Variants in TRPC4 observed in about 807,000 individuals in gnomAD.
TRPC4 encodes the protein short transient receptor potential channel 4.
In TRPC4, 49 loss-of-function variants were observed where a neutral mutation model predicts 99.4. That is an observed-to-expected ratio of 0.49 (90% confidence interval 0.39 to 0.63). The LOEUF (loss-of-function observed/expected upper bound fraction) is 0.63. TRPC4 is among the 20% of genes least tolerant of loss of function. TRPC4 has a pLI of 0.00. For missense variants in TRPC4, 898 were observed against 1,152.9 expected, an observed-to-expected ratio of 0.78 and a Z score of 3.20; for synonymous variants, 454 against 425.9, an observed-to-expected ratio of 1.07 and a Z score of -0.81.
In TRPC4 at chr13:37,633,186, GT is replaced by G. The variant is rs1413648962; in HGVS notation, c.*3716del. ...CAGACATTGTAAAATCAGAATAATG[GT>G]TTTGAAGTTAAGAGGAATGCCAGTA... On this transcript the variant is annotated 3_prime_UTR_variant, in exon 11 of 11. Coordinates refer to ENST00000379705, the MANE Select transcript of TRPC4 (RefSeq NM_016179.4). 6.6e-6 allele frequency among the ~76,000 whole-genome samples: 1 copy of G among 152,114 alleles called. No individual in the cohort carries two copies. The highest frequency in any genetic ancestry group is 2.4e-5 in the African/African-American group (1 of 41,430).
intron 4 of TRPC4, among the ~76,000 whole-genome samples, chr13:37,682,922 C>T (rs1017091766): frequency 1.4e-4 from 15 of 109,336 alleles, no homozygotes; most frequent in African/African-American, 4.8e-4. Flanking sequence ...GCCCAGCTAT[C>T]TTTTTTTTTT....
At position 37,783,347 on chromosome 13, in the gene TRPC4, C is replaced by A; in HGVS notation, c.-14G>T. 1.3e-6 allele frequency: 2 copies of A among 1,526,308 alleles called. No homozygotes were observed. Among genetic ancestry groups the A allele is most frequent in the South Asian group, 1.3e-5 (1 of 75,988 alleles). 94.5% of individuals were successfully genotyped at this position (1,526,308 alleles called of 1,614,324 possible). A position where few individuals can be genotyped will look rare whatever the true frequency, so the allele number is the denominator to read the frequency against. ...GAACTGAGCCATGTTTCATGCCATG[C>A]TATTTCTTCGTCTCTGAAAGTAGAA... On this transcript the variant is annotated 5_prime_UTR_variant, in exon 2 of 11. An upstream open reading frame in the 5' UTR loses its in-frame stop. Coordinates refer to ENST00000379705, the MANE Select transcript of TRPC4 (RefSeq NM_016179.4).
In TRPC4 at chr13:37,835,172, G is replaced by T. The variant is rs116549427; in HGVS notation, c.-28+34423C>A. Among the ~76,000 whole-genome samples the T allele has an allele frequency of 9.1e-3, 1,387 of 152,202 alleles. 19 individuals are homozygous for T. The highest frequency in any genetic ancestry group is 0.032 in the African/African-American group (1,324 of 41,502). On this transcript the variant is annotated intron_variant, in intron 1 of 10. Transcript: ENST00000379705. ...TTCTAGCAACAATTATCCTTTCAAA[G>T]TTGGTAGTCAGTTTTACTTGCTTCA...
intron 1 of TRPC4, among the ~76,000 whole-genome samples, chr13:37,799,270 A>G (rs540113329): frequency 2.6e-5 from 4 of 152,232 alleles, no homozygotes; most frequent in South Asian, 2.1e-4. Flanking sequence ...CACCTGGTCA[A>G]TGCTGTGCCC....
intron 3 of TRPC4, among the ~76,000 whole-genome samples, chr13:37,737,938 C>T (rs1955450933): frequency 1.3e-5 from 2 of 152,112 alleles, no homozygotes; most frequent in African/African-American, 4.8e-5. Flanking sequence ...GAAAGGTTTT[C>T]TTTCTCTATG....
At chr13:37,854,405 C>T (rs1850829433) in intron 1 of TRPC4, among the ~76,000 whole-genome samples, 1 of 151,972 alleles carries the variant, frequency 6.6e-6, no homozygotes, top group African/African-American at 2.4e-5. Context: ...CAATACCAGA[C>T]CTGTTCTACA....
chr13:37,775,426 T>G (rs1198888348), intron 2 of TRPC4, among the ~76,000 whole-genome samples: 1 of 151,236 alleles, frequency 6.6e-6, no homozygotes, highest in Admixed American at 6.6e-5. Flanking sequence ...AATTTCCAAC[T>G]TTTAAGTTAA....
chr13:37,637,174 G>T lies in TRPC4; in HGVS notation c.2663C>A (p.Ser888Tyr). The T allele has an allele frequency of 6.2e-7, 1 of 1,613,850 alleles. No homozygotes were observed. Among genetic ancestry groups the T allele is most frequent in the African/African-American group, 1.3e-5 (1 of 75,024 alleles). ...GTCACCCCGTGAAGCTAATCCTCGA[G>T]ATTCCAGTTGAATATTTCTCTCAAG... ...GPLERNIQLE[S>Y]RGLASRGDLS... Residue 888 changes from serine to tyrosine, a missense_variant, in exon 11 of 11, where the codon TCT becomes TAT. Coordinates refer to ENST00000379705, the MANE Select transcript of TRPC4 (RefSeq NM_016179.4).
chr13:37,758,415 A>G (rs1397860319), intron 2 of TRPC4, among the ~76,000 whole-genome samples: 22 of 151,808 alleles, frequency 1.4e-4, no homozygotes, highest in African/African-American at 5.1e-4. Flanking sequence ...CCTAGAAATG[A>G]TAAGGATTAT....
chr13:37,730,489 A>G (rs954949947), intron 3 of TRPC4, among the ~76,000 whole-genome samples: 7 of 151,990 alleles, frequency 4.6e-5, no homozygotes, highest in African/African-American at 1.4e-4. Context: ...TAAATTTCCT[A>G]TAACTCCAGA....
At chr13:37,809,778 C>T (rs1313563084) in intron 1 of TRPC4, among the ~76,000 whole-genome samples, 1 of 152,006 alleles carries the variant, frequency 6.6e-6, no homozygotes, top group Non-Finnish European at 1.5e-5. Context: ...CACTATGAAT[C>T]TGGAATGAAA....
intron 3 of TRPC4, among the ~76,000 whole-genome samples, chr13:37,726,557 A>G (rs914678131): frequency 6.6e-6 from 1 of 152,208 alleles, no homozygotes; most frequent in East Asian, 1.9e-4. Context: ...ATAGTAATGC[A>G]GGAAGTAAAC....
In TRPC4 at chr13:37,636,866, T is replaced by C. The variant is rs1299959698; in HGVS notation, c.*37A>G. On this transcript the variant is annotated 3_prime_UTR_variant, in exon 11 of 11. Transcript: ENST00000379705. ...CCCCCACCCAGAGCACTACGGAAAATACGTATGTGTATGGTAAACGCTTCC... is the reference window on the plus strand; with the variant it reads ...CCCCCACCCAGAGCACTACGGAAAACACGTATGTGTATGGTAAACGCTTCC... 3.8e-6 allele frequency: 6 copies of C among 1,572,844 alleles called. No homozygotes were observed. The highest frequency in any genetic ancestry group is 4.3e-6 in the Non-Finnish European group (5 of 1,160,394).
chr13:37,680,573 T>G (rs1009216082), intron 4 of TRPC4, among the ~76,000 whole-genome samples: 1 of 152,180 alleles, frequency 6.6e-6, no homozygotes, highest in Non-Finnish European at 1.5e-5. Flanking sequence ...CCATGAGAGA[T>G]GAAAAACTGC....
At chr13:37,848,617 C>T (rs1239490634) in intron 1 of TRPC4, among the ~76,000 whole-genome samples, 3 of 152,096 alleles carry the variant, frequency 2.0e-5, no homozygotes, top group African/African-American at 4.8e-5. Context: ...CAATATGACA[C>T]ACACACACCC....
intron 3 of TRPC4, among the ~76,000 whole-genome samples, chr13:37,725,064 T>C (rs1416229826): frequency 2.0e-5 from 3 of 151,990 alleles, no homozygotes; most frequent in Non-Finnish European, 4.4e-5. Flanking sequence ...AAAGAATTTT[T>C]TAAAAAAAGA....
intron 1 of TRPC4, among the ~76,000 whole-genome samples, chr13:37,852,611 C>T (rs146506049): frequency 2.0e-5 from 3 of 152,286 alleles, no homozygotes; most frequent in African/African-American, 7.2e-5. Flanking sequence ...AATTTTCTTG[C>T]ACCTTAGGTA....
chr13:37,652,038 C>A (rs1448698151), intron 7 of TRPC4, among the ~76,000 whole-genome samples: 2 of 152,354 alleles, frequency 1.3e-5, no homozygotes, highest in Middle Eastern at 3.4e-3. Context: ...CTTGACCTAA[C>A]TTTGTACAGA....
chr13:37,723,406 G>T (rs567473401), intron 3 of TRPC4, among the ~76,000 whole-genome samples: 6 of 152,064 alleles, frequency 3.9e-5, no homozygotes, highest in African/African-American at 1.4e-4. Context: ...AATGGCTAAT[G>T]AAAAAAATAT....
Sources: gnomAD v4.1 joint callset for allele counts (sites outside exome capture counted in the v4.1 genomes callset) on GRCh38, gnomAD v4.1.1 for gene constraint, MANE v1.5 for transcripts, NCBI Gene and HGNC (gene_info 2026-07-23, HGNC 2026-07-21) for gene names.